Variants in BZW2 observed in about 807,000 individuals in gnomAD.
The protein encoded by BZW2 is basic leucine zipper and W2 domains 2.
In BZW2, 23 loss-of-function variants were observed where a neutral mutation model predicts 53.2. That is an observed-to-expected ratio of 0.43 (90% CI 0.31 to 0.61). BZW2 has a LOEUF of 0.61. Among genes scored for constraint, BZW2 ranks in the 20% least tolerant of loss-of-function variants. The pLI, the probability that BZW2 is intolerant of heterozygous loss-of-function variation, is 0.09. For synonymous variants in BZW2, 227 were observed against 186.4 expected (o/e 1.22, Z -1.77); for missense variants, 409 against 503.1 (o/e 0.81, Z 1.79).
At chr7:16,660,890 A>T (rs909854869) in intron 1 of BZW2, among the ~76,000 whole-genome samples, 1 of 152,120 alleles carries the variant, frequency 6.6e-6, no homozygotes, top group Admixed American at 6.5e-5. Flanking sequence ...TGTTGTGTTA[A>T]TATGAAGTTT....
At chr7:16,659,643 A>G (rs1218765863) in intron 1 of BZW2, among the ~76,000 whole-genome samples, 2 of 152,084 alleles carry the variant, frequency 1.3e-5, no homozygotes, top group Non-Finnish European at 2.9e-5. Flanking sequence ...TTTAAAGTTT[A>G]TTTTAATAGT....
At chr7:16,649,900 T>C (rs901320615) in intron 1 of BZW2, among the ~76,000 whole-genome samples, 11 of 152,304 alleles carry the variant, frequency 7.2e-5, no homozygotes, top group African/African-American at 2.4e-4. Flanking sequence ...AGATGGGTGA[T>C]GAGTATATTC....
At chr7:16,670,720 C>T (rs1782573494) in intron 2 of BZW2, among the ~76,000 whole-genome samples, 1 of 152,158 alleles carries the variant, frequency 6.6e-6, no homozygotes, top group Non-Finnish European at 1.5e-5. Context: ...CTAATGTATT[C>T]CTCTAGAATT....
chr7:16,685,160 T>C (rs1181616436), intron 5 of BZW2, among the ~76,000 whole-genome samples: 2 of 152,216 alleles, frequency 1.3e-5, no homozygotes, highest in Non-Finnish European at 2.9e-5. Context: ...CAGGGCTGAC[T>C]ACTCTTAGAA....
chr7:16,659,316 C>G (rs1037371950), intron 1 of BZW2, among the ~76,000 whole-genome samples: 10 of 152,006 alleles, frequency 6.6e-5, no homozygotes, highest in African/African-American at 2.4e-4. Context: ...GCTTTTTGTA[C>G]TGGCTGAGTG....
rs559674277 is a variant in BZW2, at chr7:16,665,231, G to A, written c.-7-206G>A. ...TGAGGCAGGATAATCACTTGAACCC[G>A]GGATGCAGAGGTTGCAGTGAGCTGA... On this transcript the variant is annotated intron_variant, in intron 1 of 11. Transcript: ENST00000258761. Among the ~76,000 whole-genome samples, 21 of 151,904 alleles carry A rather than the reference G, an allele frequency of 1.4e-4. 1 individual carries two copies. Among genetic ancestry groups the A allele is most frequent in the African/African-American group, 4.3e-4 (18 of 41,422 alleles).
intron 6 of BZW2, chr7:16,687,109 C>T (rs555030537): frequency 3.9e-5 from 6 of 152,056 alleles, no homozygotes; most frequent in Non-Finnish European, 5.9e-5. Context: ...TTTTTAAAAA[C>T]CTAAGTGATG....
chr7:16,660,314 C>A (rs894025851), intron 1 of BZW2, among the ~76,000 whole-genome samples: 1 of 150,230 alleles, frequency 6.7e-6, no homozygotes, highest in Non-Finnish European at 1.5e-5. Flanking sequence ...TTGGGAGGAT[C>A]TTTTGAGCCC....
At chr7:16,674,133 C>T (rs1782694370) in intron 2 of BZW2, among the ~76,000 whole-genome samples, 1 of 152,186 alleles carries the variant, frequency 6.6e-6, no homozygotes, top group Non-Finnish European at 1.5e-5. Context: ...TTCCTGACCT[C>T]TGGTGATCCA....
rs373139299 is a variant in BZW2 at position 16,694,802 on chromosome 7, T to C, written c.652-32T>C. 14 of 1,455,052 alleles carry C rather than the reference T, an allele frequency of 9.6e-6. No individual in the cohort carries two copies. The African/African-American group carries it at 1.8e-4, about 19-fold the overall frequency. The allele number at this position is 1,455,052 out of a possible 1,614,324, so 90.1% of individuals were successfully genotyped here. ...TATGCTTGCTGAAATTTGAATGGCT[T>C]GTTTTATAGCAGTCTTTTTTCCCTT... On this transcript the variant is annotated intron_variant, in intron 7 of 11. Coordinates refer to ENST00000258761, the MANE Select transcript of BZW2 (RefSeq NM_014038.3).
intron 2 of BZW2, among the ~76,000 whole-genome samples, chr7:16,668,101 A>T (rs1782485581): frequency 6.6e-6 from 1 of 152,214 alleles, no homozygotes; most frequent in Non-Finnish European, 1.5e-5. Context: ...GCTATGAGGC[A>T]CAGAAACGTT....
Position 16,706,071 on chromosome 7 carries a change from G to T in BZW2, c.1243G>T (p.Glu415Ter). Residue 415 changes from glutamate to a stop codon, truncating the protein, a stop_gained, in exon 12 of 12, where the codon GAA (glutamate) becomes TAA (stop). Transcript: ENST00000258761. LOFTEE classifies it high-confidence loss of function. Reference sequence around the variant, plus strand: ...TTCTTCTCTCCTAGAATCCGAATCGGAAGGTGAGGAAAATTAAATGGCTCA... The same window carrying T: ...TTCTTCTCTCCTAGAATCCGAATCGTAAGGTGAGGAAAATTAAATGGCTCA... ...LQNAEEESES[E>*]GEEN is the part of the protein sequence containing the mutation. 6.2e-7 allele frequency: 1 copy of T among 1,613,708 alleles called. No homozygotes were observed. The highest frequency in any genetic ancestry group is 8.5e-7 in the Non-Finnish European group (1 of 1,179,820).
chr7:16,669,819 A>G (rs367870949), intron 2 of BZW2, among the ~76,000 whole-genome samples: 36 of 152,320 alleles, frequency 2.4e-4, no homozygotes, highest in African/African-American at 8.4e-4. Context: ...TCACCAGCAC[A>G]GTTTAAATTG....
intron 1 of BZW2, among the ~76,000 whole-genome samples, chr7:16,665,063 A>G (rs1376656182): frequency 6.6e-6 from 1 of 152,112 alleles, no homozygotes; most frequent in Non-Finnish European, 1.5e-5. Context: ...TGTAATCCCA[A>G]CAGTTTGTGA....
At chr7:16,655,165 A>G (rs1782090633) in intron 1 of BZW2, among the ~76,000 whole-genome samples, 2 of 152,182 alleles carry the variant, frequency 1.3e-5, no homozygotes, top group Admixed American at 6.5e-5. Context: ...CCTCTATCAA[A>G]CAAGGAAATT....
At chr7:16,687,253 C>G (rs940127756) in intron 6 of BZW2, 23 of 152,024 alleles carry the variant, frequency 1.5e-4, no homozygotes, top group African/African-American at 5.3e-4. Flanking sequence ...TCAATTTGTT[C>G]AACTTTTCTG....
intron 1 of BZW2, among the ~76,000 whole-genome samples, chr7:16,656,317 A>C (rs147259785): frequency 1.3e-5 from 2 of 152,198 alleles, no homozygotes; most frequent in East Asian, 3.9e-4. Flanking sequence ...CTAGATATAC[A>C]TCTGTTTCCT....
chr7:16,682,520 T>C (rs1419771917), intron 4 of BZW2, among the ~76,000 whole-genome samples: 2 of 152,342 alleles, frequency 1.3e-5, no homozygotes, highest in African/African-American at 2.4e-5. Flanking sequence ...ACATTTATTT[T>C]ATTTTCGTCG....
chr7:16,679,309 G>C (rs1782867430), intron 3 of BZW2, among the ~76,000 whole-genome samples: 1 of 152,212 alleles, frequency 6.6e-6, no homozygotes, highest in Non-Finnish European at 1.5e-5. Flanking sequence ...ACTAACAAAT[G>C]TCCATGAAAT....
Sources: allele counts gnomAD v4.1 joint callset (sites outside exome capture counted in the v4.1 genomes callset), GRCh38; gene constraint gnomAD v4.1.1; transcripts MANE v1.5; gene names NCBI Gene and HGNC (gene_info 2026-07-23, HGNC 2026-07-21).